The following MIOS variants were observed in gnomAD, a reference collection of about 807,000 sequenced individuals.
MIOS encodes meiosis regulator for oocyte development, also known as GATOR2 complex protein MIOS.
In MIOS, 52 loss-of-function variants were observed where a neutral mutation model predicts 96.9. The ratio of observed to expected loss-of-function variants is 0.54; its 90% CI spans 0.43 to 0.68. MIOS has a LOEUF of 0.68. Among genes scored for constraint, MIOS ranks in the 30% least tolerant of loss-of-function variants. MIOS has a pLI of 0.00. For missense variants in MIOS, 1,005 were observed against 1,052.8 expected, an observed-to-expected ratio of 0.95 and a Z score of 0.63; for synonymous variants, 397 against 359.5, an observed-to-expected ratio of 1.10 and a Z score of -1.18.
intron 6 of MIOS, among the ~76,000 whole-genome samples, chr7:7,584,236 TCA>T (rs59044695): frequency 0.058 from 8,885 of 152,122 alleles, 822 homozygotes; most frequent in African/African-American, 0.2. Flanking sequence ...ATCTTTTCCT[TCA>T]CCTTTGCTCT....
In MIOS at chr7:7,573,574, A is replaced by G. The variant is rs1197390445; in HGVS notation, c.1099A>G (p.Met367Val). 2 of 1,614,088 alleles carry G rather than the reference A, an allele frequency of 1.2e-6. No individual in the cohort carries two copies. The highest frequency in any genetic ancestry group is 1.7e-6 in the Non-Finnish European group (2 of 1,179,940). Residue 367 changes from methionine to valine, a missense_variant, in exon 4 of 13, where the codon ATG becomes GTG. Coordinates refer to ENST00000340080, the MANE Select transcript of MIOS (RefSeq NM_019005.4). This position sits in a 1 kb window ranked among gnomAD's most constrained non-coding sequence, Gnocchi z 5.0. ...TGCCTGGAGCCCAATTACATCTTTAATGTGGGCTTGTGGTCGTCATTTATA... is the reference window on the plus strand; with the variant it reads ...TGCCTGGAGCCCAATTACATCTTTAGTGTGGGCTTGTGGTCGTCATTTATA... ...SLAWSPITSL[M>V]WACGRHLYEC...
intron 11 of MIOS, among the ~76,000 whole-genome samples, chr7:7,598,504 A>G (rs1583654894): frequency 6.6e-6 from 1 of 152,214 alleles, no homozygotes; most frequent in Non-Finnish European, 1.5e-5. Flanking sequence ...TATACATTAC[A>G]TACTGATCAC....
At chr7:7,602,506 C>A (rs1336987549) in intron 11 of MIOS, among the ~76,000 whole-genome samples, 3 of 152,034 alleles carry the variant, frequency 2.0e-5, no homozygotes, top group East Asian at 3.9e-4. Flanking sequence ...ACCTAGGAAT[C>A]CAACTTACAA....
At chr7:7,596,506 C>G (rs1161665896) in intron 11 of MIOS, 45 bp downstream of exon 11, 4 of 1,531,632 alleles carry the variant, frequency 2.6e-6, no homozygotes, top group South Asian at 2.2e-5. Context: ...TGAAATGATT[C>G]TTACATAATT....
At chr7:7,608,960 T>C (rs1784597547), downstream of MIOS, 1 of 150,550 alleles carries the variant, frequency 6.6e-6, no homozygotes, top group African/African-American at 2.5e-5. Context: ...TGGTGTCTGT[T>C]TTGCATTTCA....
chr7:7,586,410 G>A (rs1783888913), intron 7 of MIOS, among the ~76,000 whole-genome samples: 2 of 152,042 alleles, frequency 1.3e-5, no homozygotes, highest in South Asian at 2.1e-4. Flanking sequence ...ATCACAAAAC[G>A]GGGAAAGAAA....
At chr7:7,583,032 T>C in intron 5 of MIOS, 86 bp from the exon 6 acceptor site, 3 of 1,334,408 alleles carry the variant, frequency 2.2e-6, no homozygotes, top group Non-Finnish European at 3.0e-6. Context: ...ATATTCTAAA[T>C]GTGTCAACAT....
intron 5 of MIOS, among the ~76,000 whole-genome samples, chr7:7,577,796 G>T (rs1783585818): frequency 6.6e-6 from 1 of 152,154 alleles, no homozygotes; most frequent in Admixed American, 6.5e-5. Flanking sequence ...GAGGTCGTAG[G>T]AAGAGGATAT....
At chr7:7,604,010 A>G (rs1341385431) in intron 11 of MIOS, among the ~76,000 whole-genome samples, 3 of 151,406 alleles carry the variant, frequency 2.0e-5, no homozygotes, top group African/African-American at 7.3e-5. Flanking sequence ...GGAATTGAAC[A>G]ATTTGAGAAC....
At chr7:7,598,097 C>G (rs1784270240) in intron 11 of MIOS, among the ~76,000 whole-genome samples, 1 of 152,056 alleles carries the variant, frequency 6.6e-6, no homozygotes, top group Non-Finnish European at 1.5e-5. Context: ...AGCTCTTTAC[C>G]TAACTTGAAA....
chr7:7,592,343 C>T (rs1784073755), intron 9 of MIOS, among the ~76,000 whole-genome samples: 1 of 152,148 alleles, frequency 6.6e-6, no homozygotes, highest in Non-Finnish European at 1.5e-5. Context: ...TGTTAAACTT[C>T]CCAGGGAATT....
intron 9 of MIOS, among the ~76,000 whole-genome samples, chr7:7,591,072 A>G (rs1038248154): frequency 6.6e-6 from 1 of 152,106 alleles, no homozygotes; most frequent in East Asian, 1.9e-4. Context: ...TCACTTATTT[A>G]CCATTCCTGG....
intron 7 of MIOS, among the ~76,000 whole-genome samples, chr7:7,587,316 T>C (rs1311848227): frequency 6.6e-6 from 1 of 152,108 alleles, no homozygotes; most frequent in Non-Finnish European, 1.5e-5. Context: ...CGCCATGCCC[T>C]GCCCCAGTAT....
chr7:7,581,619 G>T (rs1027343454), intron 5 of MIOS: 4 of 152,162 alleles, frequency 2.6e-5, no homozygotes, highest in African/African-American at 9.7e-5. Context: ...GCAGAATTCA[G>T]TTCCTTGCAA....
chr7:7,604,699 A>T (rs1178200231), intron 11 of MIOS, among the ~76,000 whole-genome samples: 1 of 152,174 alleles, frequency 6.6e-6, no homozygotes, highest in Non-Finnish European at 1.5e-5. Context: ...TAAAATTTGA[A>T]GTCATTTGAT....
intron 9 of MIOS, among the ~76,000 whole-genome samples, chr7:7,590,780 A>G (rs527592112): frequency 6.6e-6 from 1 of 152,242 alleles, no homozygotes; most frequent in East Asian, 1.9e-4. Flanking sequence ...TCAACTCATC[A>G]AAGTCAACAT....
chr7:7,588,858 A>C (rs1434179772), intron 8 of MIOS, among the ~76,000 whole-genome samples: 2 of 152,154 alleles, frequency 1.3e-5, no homozygotes, highest in African/African-American at 4.8e-5. Flanking sequence ...CCTCATTTTT[A>C]CTACATTAAA....
At chr7:7,586,695 T>G (rs1466795068) in intron 7 of MIOS, among the ~76,000 whole-genome samples, 2 of 152,240 alleles carry the variant, frequency 1.3e-5, no homozygotes, top group Non-Finnish European at 2.9e-5. Flanking sequence ...TTGCACTTTA[T>G]GTACTTTATT....
chr7:7,574,335 C>T (rs1783457441), intron 5 of MIOS, 139 bp downstream of exon 5: 3 of 589,026 alleles, frequency 5.1e-6, no homozygotes, highest in Non-Finnish European at 8.6e-6. Context: ...TTGGATATTT[C>T]ATTGTATTGT....
Sources: gnomAD v4.1 joint callset for allele counts (sites outside exome capture counted in the v4.1 genomes callset) on GRCh38, gnomAD v4.1.1 for gene constraint, Gnocchi (gnomAD v3.1) non-coding constraint, MANE v1.5 for transcripts, NCBI Gene and HGNC (gene_info 2026-07-23, HGNC 2026-07-21) for gene names.